SENP6: variants seen among roughly 807,000 people sequenced by gnomAD.
The protein encoded by SENP6 is sentrin-specific protease 6.
In SENP6, 41 loss-of-function variants were observed where a neutral mutation model predicts 134.5. That is an observed-to-expected ratio of 0.30 (90% confidence interval 0.24 to 0.40). SENP6 has a LOEUF of 0.40. Ranked by LOEUF, SENP6 falls within the 10% of genes least tolerant of loss-of-function variation. The pLI, the probability that SENP6 is intolerant of heterozygous loss-of-function variation, is 1.00. For synonymous variants in SENP6, 395 were observed against 429.8 expected (o/e 0.92, Z 1.00); for missense variants, 1,248 against 1,312.5 (o/e 0.95, Z 0.76).
chr6:75,670,242 C>T lies in SENP6; in HGVS notation c.1225-311C>T, dbSNP rs374615578. Among the ~76,000 whole-genome samples, 59 of 152,246 alleles carry T rather than the reference C, an allele frequency of 3.9e-4. 1 individual carries two copies. In the East Asian group the frequency reaches 4.2e-3, roughly 11 times the overall value. On this transcript the variant is annotated intron_variant, in intron 10 of 23. Coordinates refer to ENST00000447266, the MANE Select transcript of SENP6 (RefSeq NM_015571.4). The stretch of plus-strand genomic sequence containing the variant: ...GAGTACAGGTGTGAGCCACTGCTCC[C>T]GGCCAAGATCACATCTTTAAAAGGT...
intron 19 of SENP6, among the ~76,000 whole-genome samples, chr6:75,704,279 T>A (rs1775239995): frequency 6.6e-6 from 1 of 152,086 alleles, no homozygotes; most frequent in Admixed American, 6.5e-5. Flanking sequence ...TTTCACTATC[T>A]CAGCAAGAGG....
At chr6:75,679,672 A>G (rs1053986015) in intron 16 of SENP6, 3 of 152,220 alleles carry the variant, frequency 2.0e-5, no homozygotes, top group Non-Finnish European at 2.9e-5. Context: ...TTATGACCCA[A>G]CATAACACAT....
At chr6:75,652,706 AAAAG>A (rs1177513681) in intron 7 of SENP6, among the ~76,000 whole-genome samples, 3 of 150,162 alleles carry the variant, frequency 2.0e-5, no homozygotes, top group Non-Finnish European at 4.4e-5. Context: ...AAAAAAAAGA[AAAAG>A]AAAAAAAATG....
intron 2 of SENP6, among the ~76,000 whole-genome samples, chr6:75,623,683 T>G (rs1768445948): frequency 6.6e-6 from 1 of 152,190 alleles, no homozygotes; most frequent in South Asian, 2.1e-4. Flanking sequence ...ATAATTTTTA[T>G]TGGAACATAG....
At position 75,621,755 on chromosome 6, in the gene SENP6, G is replaced by A. The variant is rs868605834; in HGVS notation, c.146+130G>A. ...GAAAACATATAACTCTTTCACAGTC[G>A]CTTTAAGGAAAGAAAAAGCAATTCC... is the stretch of plus-strand genomic sequence containing the variant. On this transcript the variant is annotated intron_variant, in intron 2 of 23. Transcript: ENST00000447266. 78 of 540,714 alleles carry A rather than the reference G, an allele frequency of 1.4e-4. No individual in the cohort carries two copies. The Middle Eastern group carries it at 4.9e-3, about 34-fold the overall frequency. The allele number at this position is 540,714 out of a possible 1,614,324, so 33.5% of individuals were successfully genotyped here. A position where few individuals can be genotyped will look rare whatever the true frequency, so the allele number is the denominator to read the frequency against.
At chr6:75,608,179 A>G (rs895833517) in intron 1 of SENP6, among the ~76,000 whole-genome samples, 3 of 152,292 alleles carry the variant, frequency 2.0e-5, no homozygotes, top group Admixed American at 2.0e-4. Context: ...TTTCAGGCAA[A>G]GTTTAGTGGG....
chr6:75,628,736 T>C (rs1582705831), intron 3 of SENP6, among the ~76,000 whole-genome samples: 2 of 152,328 alleles, frequency 1.3e-5, no homozygotes, highest in African/African-American at 4.8e-5. Flanking sequence ...CTTTTTTTAT[T>C]TGAGACAGAA....
intron 19 of SENP6, among the ~76,000 whole-genome samples, chr6:75,704,269 T>A (rs1200904509): frequency 1.3e-5 from 2 of 152,172 alleles, no homozygotes; most frequent in Non-Finnish European, 2.9e-5. Flanking sequence ...TGATTACTAT[T>A]TTCACTATCT....
At chr6:75,688,071 G>A (rs550374709) in intron 16 of SENP6, among the ~76,000 whole-genome samples, 96 of 152,304 alleles carry the variant, frequency 6.3e-4, no homozygotes, top group Middle Eastern at 3.4e-3. Flanking sequence ...CTTCCTGGCC[G>A]CTTTGTTTAC....
Position 75,693,527 on chromosome 6 carries a change from G to A in SENP6, c.2076-2277G>A, listed in dbSNP as rs1774441750. Among the ~76,000 whole-genome samples the A allele has an allele frequency of 2.6e-5, 4 of 151,986 alleles. No homozygotes were observed. The South Asian group carries it at 8.3e-4, about 32-fold the overall frequency. On this transcript the variant is annotated intron_variant, in intron 16 of 23. Coordinates refer to ENST00000447266, the MANE Select transcript of SENP6 (RefSeq NM_015571.4). ...TGATAGCTATTTATCTACATAGTGTGTTTTGAAGATACTATTGTAGAATTC... is the reference window on the plus strand; with the variant it reads ...TGATAGCTATTTATCTACATAGTGTATTTTGAAGATACTATTGTAGAATTC...
chr6:75,708,779 G>C (rs980979506), intron 19 of SENP6, among the ~76,000 whole-genome samples: 2 of 152,156 alleles, frequency 1.3e-5, no homozygotes, highest in African/African-American at 4.8e-5. Flanking sequence ...TGTAATCCCA[G>C]CTACTCAGTA....
At chr6:75,608,386 C>T (rs35973114) in intron 1 of SENP6, among the ~76,000 whole-genome samples, 4 of 151,432 alleles carry the variant, frequency 2.6e-5, no homozygotes, top group South Asian at 4.2e-4. Flanking sequence ...GCTTGTTGCT[C>T]GAGCCCAGGA....
intron 8 of SENP6, among the ~76,000 whole-genome samples, chr6:75,660,468 T>C (rs930143991): frequency 5.3e-5 from 8 of 152,198 alleles, no homozygotes; most frequent in Non-Finnish European, 1.2e-4. Context: ...ACTTTCATGA[T>C]GTTTCATGAC....
rs1769222677 is a variant in SENP6 at position 75,632,960 on chromosome 6, C to T, written c.208-621C>T. 3.3e-5 allele frequency among the ~76,000 whole-genome samples: 5 copies of T among 152,074 alleles called. No homozygotes were observed. In the South Asian group the frequency reaches 1.0e-3, roughly 32 times the overall value. On this transcript the variant is annotated intron_variant, in intron 3 of 23. Coordinates refer to ENST00000447266, the MANE Select transcript of SENP6 (RefSeq NM_015571.4). ...ATTTATATGTTGTATTTTAATTCAA[C>T]AGTTGTCTCTGAATTTTCTGGGAAC...
intron 1 of SENP6, among the ~76,000 whole-genome samples, chr6:75,616,801 AT>A: frequency 6.6e-6 from 1 of 151,430 alleles, no homozygotes; most frequent in East Asian, 1.9e-4. Context: ...CCTTTAGTGC[AT>A]AAATATTACG....
intron 7 of SENP6, among the ~76,000 whole-genome samples, chr6:75,654,663 A>G (rs1471381087): frequency 6.6e-6 from 1 of 152,238 alleles, no homozygotes; most frequent in Non-Finnish European, 1.5e-5. Flanking sequence ...GTAAAAGCAA[A>G]TACATAATCA....
intron 13 of SENP6, 28 bp downstream of exon 13, chr6:75,676,082 GATA>G (rs777121072): frequency 2.3e-5 from 33 of 1,406,574 alleles, no homozygotes; most frequent in African/African-American, 8.8e-5. Flanking sequence ...GATTATAATA[GATA>G]ATAATAGATA....
chr6:75,710,256 T>A (rs116755541), intron 20 of SENP6, among the ~76,000 whole-genome samples: 1,735 of 152,334 alleles, frequency 0.011, 32 homozygotes, highest in African/African-American at 0.039. Context: ...TAATTAAAGT[T>A]AATATAGATG....
In SENP6 at chr6:75,602,512, T is replaced by G. The variant is rs1582631121; in HGVS notation, c.-13T>G. On this transcript the variant is annotated 5_prime_UTR_variant, in exon 1 of 24. Transcript: ENST00000447266. ...GCCATGGATTAAGAAGGAGGCGGCGTGGGAGGAGGAAGATGGCGGCCGGCA... is the reference window on the plus strand; with the variant it reads ...GCCATGGATTAAGAAGGAGGCGGCGGGGGAGGAGGAAGATGGCGGCCGGCA... 1 of 1,550,476 alleles carries G rather than the reference T, an allele frequency of 6.4e-7. No homozygotes were observed. Among genetic ancestry groups the G allele is most frequent in the Non-Finnish European group, 8.7e-7 (1 of 1,146,546 alleles).
Sources: gnomAD v4.1 joint callset for allele counts (sites outside exome capture counted in the v4.1 genomes callset) on GRCh38, gnomAD v4.1.1 for gene constraint, MANE v1.5 for transcripts, NCBI Gene and HGNC (gene_info 2026-07-23, HGNC 2026-07-21) for gene names.